Variants in ABCA5 observed in about 807,000 individuals in gnomAD.
The protein encoded by ABCA5 is cholesterol transporter ABCA5.
A neutral mutation model predicts 206.0 loss-of-function variants in ABCA5; 163 were observed. The observed-to-expected ratio is 0.79, with a 90% CI of 0.70 to 0.90. ABCA5 has a LOEUF of 0.90. Ranked by LOEUF, ABCA5 falls within the 40% of genes least tolerant of loss-of-function variation. ABCA5 has a pLI of 0.00. For synonymous variants in ABCA5, 609 were observed against 613.8 expected, an observed-to-expected ratio of 0.99 and a Z score of 0.11; for missense variants, 1,859 against 1,912.9, an observed-to-expected ratio of 0.97 and a Z score of 0.53.
At position 69,306,952 on chromosome 17, in the gene ABCA5, C is replaced by A. The variant is rs1415050142; in HGVS notation, c.561G>T (p.Leu187Phe). The A allele has an allele frequency of 2.0e-6, 3 of 1,526,330 alleles. No homozygotes were observed. The highest frequency in any genetic ancestry group is 1.3e-5 in the South Asian group (1 of 75,906). 94.5% of individuals were successfully genotyped at this position (1,526,330 alleles called of 1,614,324 possible). Reference sequence around the variant, plus strand: ...CCTTCCAAAGAGAAACATTGGTCTTCAACTATAATTAGAAAATGTAAATAC... The same window carrying A: ...CCTTCCAAAGAGAAACATTGGTCTTAAACTATAATTAGAAAATGTAAATAC... Reference protein sequence around the residue: ...QASIDAAIIQLKTNVSLWKEL... With the variant: ...QASIDAAIIQFKTNVSLWKEL... The change falls in exon 6 of 39, where the codon TTG becomes TTT. Residue 187 changes from leucine to phenylalanine, a missense_variant and splice_region_variant. Transcript: ENST00000392676.
rs555510288 is a variant in ABCA5 at position 69,277,517 on chromosome 17, T to C, written c.2594+124A>G. On this transcript the variant is annotated intron_variant, in intron 19 of 38. Coordinates refer to ENST00000392676, the MANE Select transcript of ABCA5 (RefSeq NM_172232.4). ...TTTCTCTAACATTGTGAAATTACAG[T>C]GGTAATCTTTCGAAACTATATAAAT... 5 of 708,630 alleles carry C rather than the reference T, an allele frequency of 7.1e-6. No homozygotes were observed. The Admixed American group carries it at 1.2e-4, about 16-fold the overall frequency. 43.9% of individuals were successfully genotyped at this position (708,630 alleles called of 1,614,324 possible). A position where few individuals can be genotyped will look rare whatever the true frequency, so the allele number is the denominator to read the frequency against.
chr17:69,299,823 C>A (rs755222462), intron 9 of ABCA5, among the ~76,000 whole-genome samples: 3 of 151,924 alleles, frequency 2.0e-5, no homozygotes, highest in African/African-American at 4.8e-5. Context: ...AACCAAACAC[C>A]ACCTGTTCCC....
intron 4 of ABCA5, among the ~76,000 whole-genome samples, chr17:69,308,729 A>C (rs1331496169): frequency 6.6e-6 from 1 of 152,172 alleles, no homozygotes; most frequent in Non-Finnish European, 1.5e-5. Flanking sequence ...AAAGTTAAGC[A>C]AACAGGAAAA....
chr17:69,308,265 C>T lies in ABCA5; in HGVS notation c.558+15G>A. On this transcript the variant is annotated intron_variant, in intron 5 of 38. Coordinates refer to ENST00000392676, the MANE Select transcript of ABCA5 (RefSeq NM_172232.4). ...AATGGCATAGTTTTTGTATTTCTTCCTTTATCATATTTACCTGTATAATGG... is the reference window on the plus strand; with the variant it reads ...AATGGCATAGTTTTTGTATTTCTTCTTTTATCATATTTACCTGTATAATGG... The T allele has an allele frequency of 6.6e-7, 1 of 1,509,066 alleles. No individual in the cohort carries two copies. The highest frequency in any genetic ancestry group is 9.1e-7 in the Non-Finnish European group (1 of 1,093,610). 93.5% of individuals were successfully genotyped at this position (1,509,066 alleles called of 1,614,324 possible).
intron 20 of ABCA5, 129 bp from the exon 21 acceptor site, chr17:69,271,418 G>A (rs752613819): frequency 3.0e-6 from 3 of 1,016,470 alleles, no homozygotes; most frequent in Non-Finnish European, 4.1e-6. Flanking sequence ...AAGTACATTG[G>A]CTCTGAAGCC....
rs1372493350 is a variant in ABCA5, at chr17:69,247,073, C to T, written c.*464G>A. 6.6e-6 allele frequency: 1 copy of T among 151,970 alleles called. No homozygotes were observed. Among genetic ancestry groups the T allele is most frequent in the African/African-American group, 2.4e-5 (1 of 41,376 alleles). 9.4% of individuals were successfully genotyped at this position (151,970 alleles called of 1,614,324 possible). A position where few individuals can be genotyped will look rare whatever the true frequency, so the allele number is the denominator to read the frequency against. ...GGATGACAACTTCCATTCAAAGTGGCTTTTTTAGAAATTAAAAAGGAGAAG... is the reference window on the plus strand; with the variant it reads ...GGATGACAACTTCCATTCAAAGTGGTTTTTTTAGAAATTAAAAAGGAGAAG... On this transcript the variant is annotated 3_prime_UTR_variant, in exon 39 of 39. Coordinates refer to ENST00000392676, the MANE Select transcript of ABCA5 (RefSeq NM_172232.4).
rs765277040 is a variant in ABCA5, at chr17:69,253,888, A to G, written c.4245-19T>C. ...TGTTATTCTGCAAAATGAACAATAC[A>G]AAATGAGAATACCATGATATATATA... is the stretch of plus-strand genomic sequence containing the variant. On this transcript the variant is annotated intron_variant, in intron 32 of 38. Transcript: ENST00000392676. The G allele has an allele frequency of 1.0e-5, 16 of 1,579,988 alleles. No individual in the cohort carries two copies.
At chr17:69,322,907 C>A (rs1410226159) in intron 1 of ABCA5, among the ~76,000 whole-genome samples, 1 of 152,096 alleles carries the variant, frequency 6.6e-6, no homozygotes. Flanking sequence ...TGTTTAGAGC[C>A]ATCCTGATAA....
At chr17:69,308,391 T>C in intron 4 of ABCA5, 23 bp from the exon 5 acceptor site, 1 of 1,535,482 alleles carries the variant, frequency 6.5e-7, no homozygotes, top group Non-Finnish European at 9.0e-7. Flanking sequence ...GAATATGAGA[T>C]CTAAGATTCT....
chr17:69,308,479 T>C (rs2075741261), intron 4 of ABCA5, 111 bp from the exon 5 acceptor site: 1 of 606,624 alleles, frequency 1.6e-6, no homozygotes, highest in Admixed American at 2.7e-5. Context: ...AATCAATCTT[T>C]ACAGGACCAA....
chr17:69,294,323 G>A (rs554985010), intron 11 of ABCA5, among the ~76,000 whole-genome samples: 22 of 152,068 alleles, frequency 1.4e-4, no homozygotes, highest in Non-Finnish European at 3.2e-4. Context: ...AGGAGTTTGA[G>A]ACCAGCCTGG....
At chr17:69,288,601 G>A in intron 14 of ABCA5, among the ~76,000 whole-genome samples, 1 of 151,892 alleles carries the variant, frequency 6.6e-6, no homozygotes, top group East Asian at 1.9e-4. Context: ...AGGCGTGGTG[G>A]CTCATGCCTG....
rs151246972 is a variant in ABCA5 at position 69,249,789 on chromosome 17, C to T, written c.4765+116G>A. 2.8e-4 allele frequency: 367 copies of T among 1,329,898 alleles called. 4 individuals are homozygous for T. In the African/African-American group the frequency reaches 3.8e-3, roughly 14 times the overall value. The allele number at this position is 1,329,898 out of a possible 1,614,324, so 82.4% of individuals were successfully genotyped here. ...ATAAAATTCTTTCATAATTTGAGAG[C>T]TACAACATAAGTGCTTTTCAACTAC... On this transcript the variant is annotated intron_variant, in intron 37 of 38. Transcript: ENST00000392676.
chr17:69,273,494 T>C (rs1177518999), intron 20 of ABCA5, among the ~76,000 whole-genome samples: 1 of 135,766 alleles, frequency 7.4e-6, no homozygotes, highest in Non-Finnish European at 1.6e-5. Flanking sequence ...CTCCCTCTGT[T>C]GCCCAGACTG....
intron 7 of ABCA5, among the ~76,000 whole-genome samples, chr17:69,303,759 T>TGAAAA (rs1751415510): frequency 2.4e-3 from 6 of 2,454 alleles, no homozygotes; most frequent in Non-Finnish European, 7.0e-3. Context: ...ACCTCGACTC[T>TGAAAA]AAAAAAAAAA....
Position 69,319,009 on chromosome 17 carries a change from G to A in ABCA5, c.-15-4579C>T, listed in dbSNP as rs2075841564. 8 of 467,724 alleles carry A rather than the reference G, an allele frequency of 1.7e-5. No homozygotes were observed. The South Asian group carries it at 2.1e-4, about 12-fold the overall frequency. The allele number at this position is 467,724 out of a possible 1,614,324, so 29.0% of individuals were successfully genotyped here. A position where few individuals can be genotyped will look rare whatever the true frequency, so the allele number is the denominator to read the frequency against. On this transcript the variant is annotated intron_variant, in intron 1 of 38. Coordinates refer to ENST00000392676, the MANE Select transcript of ABCA5 (RefSeq NM_172232.4). ...AAAACCCATGTCTCCCTCTCAAAAG[G>A]GCCTGTTTTACTATGATGTAAAAAT...
chr17:69,277,140 C>T (rs2075341545), intron 19 of ABCA5, among the ~76,000 whole-genome samples: 1 of 152,154 alleles, frequency 6.6e-6, no homozygotes, highest in South Asian at 2.1e-4. Context: ...CCCAGATCTA[C>T]TAGCTATGTA....
intron 3 of ABCA5, among the ~76,000 whole-genome samples, chr17:69,312,009 A>G (rs1477402368): frequency 6.6e-6 from 1 of 152,200 alleles, no homozygotes; most frequent in East Asian, 1.9e-4. Flanking sequence ...AATAAAAGTT[A>G]CCTGGCTTCT....
intron 1 of ABCA5, among the ~76,000 whole-genome samples, chr17:69,316,285 G>C (rs564340048): frequency 1.1e-4 from 17 of 152,312 alleles, no homozygotes; most frequent in Non-Finnish European, 1.9e-4. Flanking sequence ...CTGAGGTCAG[G>C]AGTTCAAGAC....
Sources: allele counts gnomAD v4.1 joint callset (sites outside exome capture counted in the v4.1 genomes callset), GRCh38; gene constraint gnomAD v4.1.1; transcripts MANE v1.5; gene names NCBI Gene and HGNC (gene_info 2026-07-23, HGNC 2026-07-21).